Variants in LRRTM4 observed in about 807,000 individuals in gnomAD.
LRRTM4 encodes leucine rich repeat transmembrane neuronal 4.
Under a neutral mutation model 47.6 loss-of-function variants are expected in LRRTM4, and 25 were observed. The ratio of observed to expected loss-of-function variants is 0.53; its 90% CI spans 0.38 to 0.73. The LOEUF is 0.73. Ranked by LOEUF, LRRTM4 falls within the 30% of genes least tolerant of loss-of-function variation. The pLI, the probability that LRRTM4 is intolerant of heterozygous loss-of-function variation, is 0.00. For synonymous variants in LRRTM4, 311 were observed against 269.5 expected (o/e 1.15, Z -1.51); for missense variants, 638 against 713.4 (o/e 0.89, Z 1.20).
chr2:77,320,548 A>G (rs760558803), intron 3 of LRRTM4, among the ~76,000 whole-genome samples: 10 of 152,336 alleles, frequency 6.6e-5, no homozygotes, highest in Non-Finnish European at 1.5e-4. Flanking sequence ...AAAGGACTCA[A>G]TGTGGCTGAC....
At chr2:77,034,250 C>A (rs1275669584) in intron 3 of LRRTM4, among the ~76,000 whole-genome samples, 1 of 151,758 alleles carries the variant, frequency 6.6e-6, no homozygotes, top group Non-Finnish European at 1.5e-5. Context: ...AGGTAAACAT[C>A]CTTGTCACCA....
chr2:76,891,323 T>C (rs533433527), intron 3 of LRRTM4, among the ~76,000 whole-genome samples: 6 of 151,944 alleles, frequency 3.9e-5, no homozygotes, highest in Admixed American at 1.3e-4. Flanking sequence ...CCTGTTGTTA[T>C]TGCTGGTCTG....
At chr2:77,476,788 A>C in intron 3 of LRRTM4, among the ~76,000 whole-genome samples, 1 of 152,286 alleles carries the variant, frequency 6.6e-6, no homozygotes, top group Middle Eastern at 3.4e-3. Context: ...TTGGTGCAAA[A>C]GTAGTAGTAT....
chr2:77,187,213 T>A (rs1015831421), intron 3 of LRRTM4, among the ~76,000 whole-genome samples: 3 of 152,168 alleles, frequency 2.0e-5, no homozygotes, highest in Non-Finnish European at 4.4e-5. Flanking sequence ...GTGAAACTAC[T>A]GTGGTGCCAT....
At chr2:77,082,221 G>C (rs535894573) in intron 3 of LRRTM4, among the ~76,000 whole-genome samples, 2 of 151,956 alleles carry the variant, frequency 1.3e-5, no homozygotes, top group South Asian at 4.2e-4. Context: ...GTGCCCTTTT[G>C]GATTTTGATT....
intron 3 of LRRTM4, among the ~76,000 whole-genome samples, chr2:77,015,953 C>T (rs1395794383): frequency 6.6e-6 from 1 of 151,886 alleles, no homozygotes; most frequent in Non-Finnish European, 1.5e-5. Flanking sequence ...CCTGTCTCTA[C>T]TAAATAATCT....
At chr2:77,236,398 G>A (rs1675104428) in intron 3 of LRRTM4, among the ~76,000 whole-genome samples, 1 of 151,798 alleles carries the variant, frequency 6.6e-6, no homozygotes, top group Non-Finnish European at 1.5e-5. Context: ...TGTTACATTA[G>A]TTCTAAGAGC....
intron 3 of LRRTM4, among the ~76,000 whole-genome samples, chr2:77,437,124 C>T (rs983996964): frequency 6.6e-6 from 1 of 152,022 alleles, no homozygotes; most frequent in African/African-American, 2.4e-5. Flanking sequence ...TTAAGATGAC[C>T]TTTCAATATT....
chr2:77,234,377 G>T (rs1675048083), intron 3 of LRRTM4, among the ~76,000 whole-genome samples: 1 of 152,100 alleles, frequency 6.6e-6, no homozygotes, highest in Admixed American at 6.6e-5. Context: ...TCACAAAATG[G>T]AATCACTATA....
At chr2:76,886,339 G>C (rs1433822232) in intron 3 of LRRTM4, among the ~76,000 whole-genome samples, 1 of 152,050 alleles carries the variant, frequency 6.6e-6, no homozygotes, top group Admixed American at 6.6e-5. Flanking sequence ...GCACATACAT[G>C]CAACATGTCT....
chr2:77,032,901 A>G (rs1402632574), intron 3 of LRRTM4, among the ~76,000 whole-genome samples: 5 of 152,060 alleles, frequency 3.3e-5, no homozygotes, highest in African/African-American at 1.2e-4. Context: ...GCTGGGTTCT[A>G]ATTGCCTATT....
At chr2:76,946,372 C>A (rs577942902) in intron 3 of LRRTM4, among the ~76,000 whole-genome samples, 2 of 151,668 alleles carry the variant, frequency 1.3e-5, no homozygotes, top group Non-Finnish European at 2.9e-5. Context: ...CCCATTTGCA[C>A]GATTTTTATA....
At chr2:76,877,741 A>C (rs1324711308) in intron 3 of LRRTM4, among the ~76,000 whole-genome samples, 1 of 152,186 alleles carries the variant, frequency 6.6e-6, no homozygotes, top group Non-Finnish European at 1.5e-5. Flanking sequence ...AAAGGAAACA[A>C]CTGAGGATCG....
rs947266488 is a variant in LRRTM4 at position 77,406,183 on chromosome 2, G to GA, written c.1551+112134dup. 7.9e-5 allele frequency among the ~76,000 whole-genome samples: 12 copies of GA among 151,802 alleles called. No homozygotes were observed. In the South Asian group the frequency reaches 1.9e-3, roughly 24 times the overall value. ...GGCAGATGACAAAACAGGAAAATGAGAAAAAAAGATATACCTGAAAGCTGT... is the reference window on the plus strand; with the variant it reads ...GGCAGATGACAAAACAGGAAAATGAGAAAAAAAAGATATACCTGAAAGCTGT... On this transcript the variant is annotated intron_variant, in intron 3 of 3. Transcript: ENST00000409884.
chr2:77,519,925 G>A lies in LRRTM4; in HGVS notation c.5-61C>T. Reference sequence around the variant, plus strand: ...AAGCTATTAAAATAAATCACCGTCGGTTTACCAACAACAGGGGCATTTCCT... The same window carrying A: ...AAGCTATTAAAATAAATCACCGTCGATTTACCAACAACAGGGGCATTTCCT... On this transcript the variant is annotated intron_variant, in intron 2 of 3. Transcript: ENST00000409884. This position sits in a 1 kb window ranked among gnomAD's most constrained non-coding sequence, Gnocchi z 4.6. The A allele has an allele frequency of 6.8e-7, 1 of 1,476,676 alleles. No individual in the cohort carries two copies. Among genetic ancestry groups the A allele is most frequent in the South Asian group, 1.4e-5 (1 of 70,670 alleles). 91.5% of individuals were successfully genotyped at this position (1,476,676 alleles called of 1,614,324 possible). A position where few individuals can be genotyped will look rare whatever the true frequency, so the allele number is the denominator to read the frequency against.
chr2:76,871,146 A>G (rs1038721921), intron 3 of LRRTM4, among the ~76,000 whole-genome samples: 1 of 152,196 alleles, frequency 6.6e-6, no homozygotes, highest in Non-Finnish European at 1.5e-5. Context: ...CGTAGAGAAC[A>G]AACATTGTCC....
At chr2:76,764,485 G>T (rs1254388400) in intron 3 of LRRTM4, among the ~76,000 whole-genome samples, 1 of 152,070 alleles carries the variant, frequency 6.6e-6, no homozygotes, top group Non-Finnish European at 1.5e-5. Flanking sequence ...CAAAAAATTA[G>T]CTGGGCGTGG....
chr2:77,179,934 G>C (rs1043213226), intron 3 of LRRTM4, among the ~76,000 whole-genome samples: 1 of 151,988 alleles, frequency 6.6e-6, no homozygotes, highest in African/African-American at 2.4e-5. Flanking sequence ...ATTGTATAAA[G>C]TTATAATAGA....
chr2:77,386,239 G>A (rs1300014831), intron 3 of LRRTM4, among the ~76,000 whole-genome samples: 2 of 152,132 alleles, frequency 1.3e-5, no homozygotes, highest in African/African-American at 4.8e-5. Context: ...ACACAAATAA[G>A]AGTGGCTGAT....
Sources: allele counts gnomAD v4.1 joint callset (sites outside exome capture counted in the v4.1 genomes callset), GRCh38; gene constraint gnomAD v4.1.1; non-coding constraint Gnocchi (gnomAD v3.1); transcripts MANE v1.5; gene names NCBI Gene and HGNC (gene_info 2026-07-23, HGNC 2026-07-21).